Variants in EWSR1 observed in about 807,000 individuals in gnomAD.
EWSR1 encodes the protein EWS RNA binding protein 1.
A neutral mutation model predicts 92.1 loss-of-function variants in EWSR1; 14 were observed. The observed-to-expected ratio is 0.15, with a 90% CI of 0.10 to 0.24. EWSR1 has a LOEUF of 0.24. Ranked by LOEUF, EWSR1 falls within the 10% of genes least tolerant of loss-of-function variation. The probability of loss-of-function intolerance (pLI) is 1.00; values close to 1 mark genes in which losing one functional copy is unlikely to be tolerated. For synonymous variants in EWSR1, 303 were observed against 292.9 expected (o/e 1.03, Z -0.35); for missense variants, 637 against 870.9 (o/e 0.73, Z 3.38).
In EWSR1 at chr22:29,286,960, A is replaced by G. The variant is rs1490398538; in HGVS notation, c.619A>G (p.Ser207Gly). ...ACAGCCGACTAGTTATGATCAGAGC[A>G]GTTACTCTCAGCAGAACACCTATGG... The part of the protein sequence containing the change: ...STQPTSYDQS[S>G]YSQQNTYGQP... The change falls in exon 7 of 17, where the codon AGT becomes GGT. Residue 207 changes from serine (S) to glycine (G), a missense_variant. Physicochemically the swap from Ser to Gly is moderately conservative, Grantham distance 56. Transcript: ENST00000397938. 7 of 1,613,058 alleles carry G rather than the reference A, an allele frequency of 4.3e-6. No individual in the cohort carries two copies.
chr22:29,291,293 G>T (rs145835127), intron 8 of EWSR1: 1 of 392,678 alleles, frequency 2.5e-6, no homozygotes, highest in Admixed American at 4.5e-5. Flanking sequence ...ATTTTTTCTT[G>T]CTAATTTGCC....
chr22:29,272,094 G>A, intron 1 of EWSR1, 122 bp from the exon 2 acceptor site: 1 of 835,392 alleles, frequency 1.2e-6, no homozygotes, highest in Non-Finnish European at 2.0e-6. Context: ...ATTTGGACCT[G>A]TGTTGGCAGG....
chr22:29,285,323 T>C (rs1290912182), intron 6 of EWSR1, among the ~76,000 whole-genome samples: 1 of 150,612 alleles, frequency 6.6e-6, no homozygotes, highest in Non-Finnish European at 1.5e-5. Context: ...GGTTTCACTA[T>C]GTTGGTCAGG....
intron 14 of EWSR1, 103 bp downstream of exon 14, chr22:29,298,998 G>T: frequency 7.3e-7 from 1 of 1,367,094 alleles, no homozygotes; most frequent in Non-Finnish European, 9.9e-7. Flanking sequence ...GGAACAGAAT[G>T]ATGACCCTGA....
At chr22:29,293,604 C>T (rs1011924704) in intron 11 of EWSR1, among the ~76,000 whole-genome samples, 1 of 152,158 alleles carries the variant, frequency 6.6e-6, no homozygotes, top group Non-Finnish European at 1.5e-5. Flanking sequence ...CTTGCTGTGT[C>T]ACCAGGCTGG....
chr22:29,280,953 C>T (rs1482353487), intron 5 of EWSR1, among the ~76,000 whole-genome samples: 2 of 139,068 alleles, frequency 1.4e-5, no homozygotes, highest in African/African-American at 5.3e-5. Context: ...CATCTCAGCT[C>T]ACTGCAAGCT....
intron 4 of EWSR1, chr22:29,276,137 GT>G (rs909892637): frequency 3.0e-5 from 7 of 231,082 alleles, no homozygotes; most frequent in Non-Finnish European, 6.0e-5. Context: ...TTAGTTTTTT[GT>G]TTTTTTAATT....
chr22:29,298,571 C>A (rs1468746907), intron 13 of EWSR1, among the ~76,000 whole-genome samples, 162 bp from the exon 14 acceptor site: 3 of 151,770 alleles, frequency 2.0e-5, no homozygotes, highest in Admixed American at 2.0e-4. Context: ...ACGCTCCTCA[C>A]AGGGAAGGGG....
chr22:29,297,974 G>A (rs1251656422), intron 13 of EWSR1, 25 bp downstream of exon 13: 1 of 1,599,972 alleles, frequency 6.3e-7, no homozygotes, highest in South Asian at 1.1e-5. Context: ...CTCCTATGTT[G>A]CATTAAAAGG....
chr22:29,286,686 C>CAA (rs373796997), intron 6 of EWSR1, among the ~76,000 whole-genome samples: 2 of 76,344 alleles, frequency 2.6e-5, no homozygotes, highest in Non-Finnish European at 5.2e-5. Flanking sequence ...CACTCTGTCT[C>CAA]AAAAAAAAAA....
intron 15 of EWSR1, 46 bp downstream of exon 15, chr22:29,299,377 A>G (rs369765849): frequency 1.3e-6 from 2 of 1,578,088 alleles, no homozygotes; most frequent in African/African-American, 2.7e-5. Context: ...CTGGTGCTAA[A>G]CCTCTTTTCT....
At chr22:29,299,982 CA>C in intron 16 of EWSR1, 131 bp downstream of exon 16, 3 of 1,427,150 alleles carry the variant, frequency 2.1e-6, no homozygotes, top group South Asian at 1.3e-5. Context: ...CAGGAAGGGG[CA>C]CCTGGGGGCT....
At chr22:29,297,795 G>A (rs1247069270) in intron 12 of EWSR1, 32 bp from the exon 13 acceptor site, 3 of 1,612,540 alleles carry the variant, frequency 1.9e-6, no homozygotes, top group South Asian at 1.1e-5. Context: ...GGAGTACAGG[G>A]GAGTAATTGA....
In EWSR1 at chr22:29,273,851, A is replaced by G. The variant is rs775996281; in HGVS notation, c.213A>G (p.Gly71=). The G allele has an allele frequency of 1.1e-5, 18 of 1,613,862 alleles. No homozygotes were observed. Among genetic ancestry groups the G allele is most frequent in the Non-Finnish European group, 1.4e-5 (17 of 1,179,906 alleles). Residue 71 remains glycine, a synonymous_variant, in exon 4 of 17, where the codon GGA becomes GGG. Coordinates refer to ENST00000397938, the MANE Select transcript of EWSR1 (RefSeq NM_005243.4). ...AGACCGCCTATGCAACTTCTTATGG[A>G]CAGCCTCCCACTGGTAAGGCCTGCC... ...YGQTAYATSY[G]QPPTGYTTPT... is the part of the protein sequence containing the mutation.
intron 4 of EWSR1, chr22:29,276,003 G>A (rs2146935475): frequency 4.4e-6 from 1 of 228,290 alleles, no homozygotes; most frequent in East Asian, 6.2e-5. Context: ...CTGCTTTTGT[G>A]GGTACTACAG....
At chr22:29,277,506 A>G (rs2059215010) in intron 4 of EWSR1, 2 of 227,362 alleles carry the variant, frequency 8.8e-6, no homozygotes, top group Non-Finnish European at 1.7e-5. Context: ...GGACCAAAAG[A>G]AAGTGATTAA....
At chr22:29,288,455 C>G (rs1479550218) in intron 7 of EWSR1, 151 bp from the exon 8 acceptor site, 1 of 632,568 alleles carries the variant, frequency 1.6e-6, no homozygotes, top group Non-Finnish European at 2.6e-6. Context: ...CTTAAAAGAG[C>G]CTACCTATTA....
chr22:29,290,975 G>A (rs1418387231), intron 8 of EWSR1: 1 of 237,296 alleles, frequency 4.2e-6, no homozygotes, highest in African/African-American at 2.2e-5. Context: ...GGTATTTGTT[G>A]TAAATTCTCC....
intron 7 of EWSR1, 141 bp from the exon 8 acceptor site, chr22:29,288,465 A>C (rs749695786): frequency 1.5e-4 from 107 of 695,460 alleles, no homozygotes; most frequent in Non-Finnish European, 2.2e-4. Flanking sequence ...CCTACCTATT[A>C]AGGATGCTTT....
Sources: gnomAD v4.1 joint callset for allele counts (sites outside exome capture counted in the v4.1 genomes callset) on GRCh38, gnomAD v4.1.1 for gene constraint, MANE v1.5 for transcripts, NCBI Gene and HGNC (gene_info 2026-07-23, HGNC 2026-07-21) for gene names.